GSG1L: variants seen among roughly 807,000 people sequenced by gnomAD.
GSG1L encodes germ cell-specific gene 1-like protein.
Under a neutral mutation model 42.1 loss-of-function variants are expected in GSG1L, and 24 were observed. The observed-to-expected ratio is 0.57, with a 90% CI of 0.41 to 0.80. GSG1L has a LOEUF of 0.80. Among genes scored for constraint, GSG1L ranks in the 30% least tolerant of loss-of-function variants. GSG1L has a pLI of 0.00. For synonymous variants in GSG1L, 215 were observed against 203.5 expected (o/e 1.06, Z -0.48); for missense variants, 445 against 472.2 (o/e 0.94, Z 0.53).
chr16:27,835,721 C>T lies in GSG1L; in HGVS notation c.663-6765G>A, dbSNP rs1230630164. On this transcript the variant is annotated intron_variant, in intron 4 of 6. Transcript: ENST00000447459. ...TGGGTCTTACATTATATATACATAA[C>T]TAATCACAGTCTACTGGTGTCAACA... is the stretch of plus-strand genomic sequence containing the variant. Among the ~76,000 whole-genome samples, 4 of 152,064 alleles carry T rather than the reference C, an allele frequency of 2.6e-5. No homozygotes were observed. In the East Asian group the frequency reaches 5.8e-4, roughly 22 times the overall value.
chr16:28,035,702 C>A (rs577420106), intron 1 of GSG1L, among the ~76,000 whole-genome samples: 2 of 152,306 alleles, frequency 1.3e-5, no homozygotes, highest in Admixed American at 6.5e-5. Flanking sequence ...CCAGAGGCTG[C>A]AAATGACAAC....
intron 2 of GSG1L, among the ~76,000 whole-genome samples, chr16:27,936,946 C>T (rs1278703152): frequency 6.6e-6 from 1 of 152,220 alleles, no homozygotes; most frequent in Non-Finnish European, 1.5e-5. Flanking sequence ...TTACTCTTGT[C>T]CTGAACATAA....
intron 3 of GSG1L, chr16:27,850,553 G>C (rs950583867): frequency 8.8e-6 from 4 of 455,786 alleles, no homozygotes; most frequent in Non-Finnish European, 1.8e-5. Flanking sequence ...AGCAGAGCAG[G>C]AGGGACCAGC....
At chr16:27,881,462 G>A (rs2083954757) in intron 3 of GSG1L, among the ~76,000 whole-genome samples, 2 of 151,866 alleles carry the variant, frequency 1.3e-5, no homozygotes, top group South Asian at 4.2e-4. Context: ...GGCTGGTCTC[G>A]AACTCCTGAC....
intron 2 of GSG1L, among the ~76,000 whole-genome samples, chr16:27,888,457 T>TTTC (rs1555506348): frequency 5.3e-5 from 1 of 18,928 alleles, no homozygotes; most frequent in African/African-American, 1.0e-4. Flanking sequence ...TCTTTCTTTC[T>TTTC]TTCTTTCTCT....
At chr16:27,971,211 T>C (rs1185088604) in intron 1 of GSG1L, among the ~76,000 whole-genome samples, 2 of 152,216 alleles carry the variant, frequency 1.3e-5, no homozygotes, top group African/African-American at 4.8e-5. Flanking sequence ...GGGATTGCAC[T>C]GAATCTGTAA....
intron 2 of GSG1L, among the ~76,000 whole-genome samples, chr16:27,888,939 T>TATAGATATAG (rs773130917): frequency 2.2e-4 from 22 of 100,882 alleles, no homozygotes; most frequent in African/African-American, 6.0e-4. Context: ...TAGATATAGA[T>TATAGATATAG]ATAGATATAG....
intron 6 of GSG1L, among the ~76,000 whole-genome samples, chr16:27,799,900 T>C (rs2082862993): frequency 6.6e-6 from 1 of 152,150 alleles, no homozygotes. Flanking sequence ...GGGACAGGTA[T>C]TGGCCGAGGG....
intron 1 of GSG1L, among the ~76,000 whole-genome samples, chr16:28,009,245 G>C (rs1393890118): frequency 6.6e-6 from 1 of 152,108 alleles, no homozygotes; most frequent in Non-Finnish European, 1.5e-5. Context: ...GCAGCTCCCT[G>C]CACACACCAA....
Position 27,963,952 on chromosome 16 carries a change from G to A in GSG1L, c.350-749C>T, listed in dbSNP as rs185289376. ...GTACTGACCGCCAAGAACTGGAAGG[G>A]AGGATTTAAAAGAAAGAAAACAAAA... On this transcript the variant is annotated intron_variant, in intron 1 of 6. Coordinates refer to ENST00000447459, the MANE Select transcript of GSG1L (RefSeq NM_001109763.2). Among the ~76,000 whole-genome samples, 311 of 152,318 alleles carry A rather than the reference G, an allele frequency of 2.0e-3. 1 individual carries two copies. Among genetic ancestry groups the A allele is most frequent in the Admixed American group, 3.6e-3 (55 of 15,286 alleles).
At chr16:27,793,470 T>C (rs1365573399) in intron 6 of GSG1L, among the ~76,000 whole-genome samples, 1 of 139,866 alleles carries the variant, frequency 7.1e-6, no homozygotes, top group Admixed American at 7.7e-5. Flanking sequence ...GCTGCCAAGA[T>C]AGAGGTGTTT....
At chr16:27,861,538 G>A (rs1214290642) in intron 3 of GSG1L, among the ~76,000 whole-genome samples, 1 of 152,142 alleles carries the variant, frequency 6.6e-6, no homozygotes, top group Non-Finnish European at 1.5e-5. Context: ...ATTTGCAAGT[G>A]TGGGCAAAAT....
chr16:27,934,199 T>G (rs1298843244), intron 2 of GSG1L, among the ~76,000 whole-genome samples: 1 of 152,134 alleles, frequency 6.6e-6, no homozygotes, highest in Non-Finnish European at 1.5e-5. Flanking sequence ...TCAAAATAAA[T>G]GTACAGGGCA....
intron 1 of GSG1L, among the ~76,000 whole-genome samples, chr16:28,020,376 T>C (rs1317496580): frequency 2.6e-5 from 4 of 152,206 alleles, no homozygotes; most frequent in Non-Finnish European, 5.9e-5. Context: ...AGTAAAGTAA[T>C]ACCCAGAAGA....
At position 27,946,470 on chromosome 16, in the gene GSG1L, A is replaced by G. The variant is rs895911391; in HGVS notation, c.397+16686T>C. On this transcript the variant is annotated intron_variant, in intron 2 of 6. Coordinates refer to ENST00000447459, the MANE Select transcript of GSG1L (RefSeq NM_001109763.2). ...TGAGGCAAAAGAATCGCTTGAGCCCAGGAGACAGAGGTTGCAGTGAGCCGA... is the reference window on the plus strand; with the variant it reads ...TGAGGCAAAAGAATCGCTTGAGCCCGGGAGACAGAGGTTGCAGTGAGCCGA... 4.0e-5 allele frequency among the ~76,000 whole-genome samples: 6 copies of G among 151,370 alleles called. No homozygotes were observed. In the South Asian group the frequency reaches 1.0e-3, roughly 26 times the overall value.
Position 28,063,018 on chromosome 16 carries a change from T to C in GSG1L, c.349+58A>G. On this transcript the variant is annotated intron_variant, in intron 1 of 6. Transcript: ENST00000447459. The surrounding 1 kb of genome is among the most constrained non-coding windows in gnomAD (Gnocchi z 5.8). ...AACGGGTCCGGGGCTCGGGCCTCGA[T>C]GGCCGCGCCGCCCCGGGGGAGCCGG... is the stretch of plus-strand genomic sequence containing the variant. The C allele has an allele frequency of 7.6e-7, 1 of 1,316,142 alleles. No individual in the cohort carries two copies. The highest frequency in any genetic ancestry group is 9.7e-7 in the Non-Finnish European group (1 of 1,032,042). The allele number at this position is 1,316,142 out of a possible 1,614,324, so 81.5% of individuals were successfully genotyped here. A position where few individuals can be genotyped will look rare whatever the true frequency, so the allele number is the denominator to read the frequency against.
At chr16:28,049,965 CT>C (rs572078986) in intron 1 of GSG1L, among the ~76,000 whole-genome samples, 23 of 152,170 alleles carry the variant, frequency 1.5e-4, no homozygotes, top group Non-Finnish European at 3.2e-4. Flanking sequence ...GTTTAACTTA[CT>C]CATTTTCTCT....
At chr16:28,020,651 C>T (rs2085832208) in intron 1 of GSG1L, among the ~76,000 whole-genome samples, 1 of 152,188 alleles carries the variant, frequency 6.6e-6, no homozygotes. Flanking sequence ...TCAGGGATGA[C>T]TTGTGTGACC....
intron 1 of GSG1L, among the ~76,000 whole-genome samples, chr16:27,980,172 G>A (rs943966085): frequency 2.0e-5 from 3 of 152,184 alleles, no homozygotes; most frequent in Non-Finnish European, 4.4e-5. Context: ...CTGGCAGAAG[G>A]TGTGCAGAGC....
Sources: allele counts gnomAD v4.1 joint callset (sites outside exome capture counted in the v4.1 genomes callset), GRCh38; gene constraint gnomAD v4.1.1; non-coding constraint Gnocchi (gnomAD v3.1); transcripts MANE v1.5; gene names NCBI Gene and HGNC (gene_info 2026-07-23, HGNC 2026-07-21).